The following GAN variants were observed in gnomAD, a reference collection of about 807,000 sequenced individuals.
GAN encodes the protein gigaxonin, also known as epididymis secretory sperm binding protein.
In GAN, 48 loss-of-function variants were observed where a neutral mutation model predicts 71.3. The observed-to-expected ratio is 0.67, with a 90% CI of 0.53 to 0.86. The LOEUF (loss-of-function observed/expected upper bound fraction) is 0.86, where lower values mean the gene tolerates loss of function less well. GAN is among the 40% of genes least tolerant of loss of function. GAN has a pLI of 0.00. For synonymous variants in GAN, 386 were observed against 276.8 expected (o/e 1.39, Z -3.92); for missense variants, 928 against 770.1 (o/e 1.21, Z -2.43).
chr16:81,332,404 C>T (rs991709207), intron 1 of GAN, among the ~76,000 whole-genome samples: 2 of 152,184 alleles, frequency 1.3e-5, no homozygotes, highest in African/African-American at 4.8e-5. Flanking sequence ...GTCCTTGACT[C>T]ATATTTAACT....
At chr16:81,361,904 C>T (rs374947411) in intron 5 of GAN, among the ~76,000 whole-genome samples, 3 of 152,128 alleles carry the variant, frequency 2.0e-5, no homozygotes, top group African/African-American at 7.2e-5. Flanking sequence ...TGTGTTGCCT[C>T]CTATGAACCT....
intron 3 of GAN, 25 bp downstream of exon 3, chr16:81,354,780 A>C (rs1458503291): frequency 7.3e-7 from 1 of 1,362,248 alleles, no homozygotes; most frequent in East Asian, 2.3e-5. Context: ...TAACATGGTC[A>C]AATTTGCCTT....
chr16:81,362,592 C>A lies in GAN; in HGVS notation c.1067C>A (p.Ala356Glu), dbSNP rs956021392. ...GATCCAGATGCAAATACATGGACAG[C>A]ATTGCCACCTATGAACGAGGTAAAA... ...KYDPDANTWT[A>E]LPPMNEARHN... The change falls in exon 6 of 11, where the codon GCA (alanine) becomes GAA (glutamate). Residue 356 changes from alanine (A) to glutamate (E), a missense_variant. Ala to Glu is a moderately radical substitution (Grantham distance 107, BLOSUM62 -1). Transcript: ENST00000648994. 1.3e-6 allele frequency: 2 copies of A among 1,559,070 alleles called. No homozygotes were observed. The highest frequency in any genetic ancestry group is 2.7e-5 in the African/African-American group (2 of 73,890).
chr16:81,362,815 C>T (rs1597405887), intron 6 of GAN, among the ~76,000 whole-genome samples: 1 of 152,162 alleles, frequency 6.6e-6, no homozygotes, highest in Non-Finnish European at 1.5e-5. Context: ...CTGAAATCTT[C>T]CAGGAATGCC....
At chr16:81,360,151 C>A (rs1293515438) in intron 5 of GAN, among the ~76,000 whole-genome samples, 1 of 152,062 alleles carries the variant, frequency 6.6e-6, no homozygotes. Context: ...TTAGATTTGC[C>A]ACTTTCTTCG....
At chr16:81,360,652 C>T (rs1214469682) in intron 5 of GAN, among the ~76,000 whole-genome samples, 2 of 151,708 alleles carry the variant, frequency 1.3e-5, no homozygotes, top group African/African-American at 4.8e-5. Flanking sequence ...TTCAAATCCT[C>T]TCTTATTTCT....
intron 1 of GAN, among the ~76,000 whole-genome samples, chr16:81,330,385 G>A (rs1031521744): frequency 3.3e-5 from 5 of 152,204 alleles, no homozygotes; most frequent in Non-Finnish European, 7.3e-5. Flanking sequence ...CTTTGTGCAG[G>A]GCACAGGAGC....
intron 1 of GAN, among the ~76,000 whole-genome samples, chr16:81,333,425 G>A (rs767591100): frequency 2.6e-5 from 4 of 152,006 alleles, no homozygotes; most frequent in Non-Finnish European, 4.4e-5. Flanking sequence ...TTTATTAGGT[G>A]GACTCTGAAA....
rs1597417271 is a variant in GAN at position 81,384,314 on chromosome 16, A to G, written c.*6718A>G. ...ATTTTACTACTTAAAAAAAAAAAAA[A>G]AAGAAAAGAAAAAAAAGCACTTACA... On this transcript the variant is annotated 3_prime_UTR_variant, in exon 11 of 11. Transcript: ENST00000648994. 1 of 151,512 alleles carries G rather than the reference A, an allele frequency of 6.6e-6. No individual in the cohort carries two copies. Among genetic ancestry groups the G allele is most frequent in the African/African-American group, 2.4e-5 (1 of 41,352 alleles). The allele number at this position is 151,512 out of a possible 1,614,324, so 9.4% of individuals were successfully genotyped here. A position where few individuals can be genotyped will look rare whatever the true frequency, so the allele number is the denominator to read the frequency against.
chr16:81,334,753 C>T (rs1435008543), intron 1 of GAN, among the ~76,000 whole-genome samples: 1 of 152,182 alleles, frequency 6.6e-6, no homozygotes, highest in Non-Finnish European at 1.5e-5. Flanking sequence ...CACAACCACT[C>T]AGCCGGTTCA....
rs531225431 is a variant in GAN, at chr16:81,348,297, T to C, written c.168-3286T>C. Among the ~76,000 whole-genome samples the C allele has an allele frequency of 6.3e-4, 96 of 152,386 alleles. No individual in the cohort carries two copies. In the South Asian group the frequency reaches 8.7e-3, roughly 14 times the overall value. Reference sequence around the variant, plus strand: ...TTTTTATGTCATCGTACTCTTGTTTTATGTACACAATATCCTGTCTTTTCC... The same window carrying C: ...TTTTTATGTCATCGTACTCTTGTTTCATGTACACAATATCCTGTCTTTTCC... On this transcript the variant is annotated intron_variant, in intron 1 of 10. Coordinates refer to ENST00000648994, the MANE Select transcript of GAN (RefSeq NM_022041.4).
intron 9 of GAN, among the ~76,000 whole-genome samples, chr16:81,376,844 T>C (rs1247308066): frequency 6.6e-6 from 1 of 152,074 alleles, no homozygotes. Flanking sequence ...GCCACTGCAC[T>C]CGGGAGGCCC....
chr16:81,362,961 A>G (rs1910728117), intron 6 of GAN, among the ~76,000 whole-genome samples: 2 of 152,280 alleles, frequency 1.3e-5, no homozygotes, highest in South Asian at 4.1e-4. Context: ...ACGTCTCACC[A>G]TCTCACGGAC....
intron 3 of GAN, among the ~76,000 whole-genome samples, chr16:81,354,977 T>G (rs957600404): frequency 6.6e-6 from 1 of 152,236 alleles, no homozygotes; most frequent in Non-Finnish European, 1.5e-5. Flanking sequence ...TTAGCCCTTG[T>G]AAGGAGCGTA....
At chr16:81,349,842 A>G (rs759486153) in intron 1 of GAN, among the ~76,000 whole-genome samples, 23 of 152,204 alleles carry the variant, frequency 1.5e-4, no homozygotes, top group Non-Finnish European at 3.2e-4. Flanking sequence ...TTCTTTTCTT[A>G]GAAAACATGG....
Position 81,315,054 on chromosome 16 carries a change from G to T in GAN, c.-60G>T. On this transcript the variant is annotated 5_prime_UTR_variant, in exon 1 of 11. Coordinates refer to ENST00000648994, the MANE Select transcript of GAN (RefSeq NM_022041.4). ...CGCGCGCGCAGGACTCGGGCCGCTC[G>T]AGGGGTCCGGCCGGACGGTGTCGGG... is the stretch of plus-strand genomic sequence containing the variant. 7.4e-7 allele frequency: 1 copy of T among 1,346,286 alleles called. No homozygotes were observed. The highest frequency in any genetic ancestry group is 9.7e-7 in the Non-Finnish European group (1 of 1,035,864). The allele number at this position is 1,346,286 out of a possible 1,614,324, so 83.4% of individuals were successfully genotyped here.
intron 1 of GAN, among the ~76,000 whole-genome samples, chr16:81,332,145 G>T (rs1471000495): frequency 1.4e-5 from 2 of 146,076 alleles, no homozygotes; most frequent in East Asian, 4.1e-4. Context: ...TGGGCAACGA[G>T]AGGGAAAATC....
At chr16:81,330,273 A>G (rs748002283) in intron 1 of GAN, among the ~76,000 whole-genome samples, 1 of 122,454 alleles carries the variant, frequency 8.2e-6, no homozygotes, top group Non-Finnish European at 2.0e-5. Flanking sequence ...TAAAACTCTA[A>G]TATCTCCAGA....
At chr16:81,345,932 C>G (rs1191806018) in intron 1 of GAN, among the ~76,000 whole-genome samples, 1 of 152,202 alleles carries the variant, frequency 6.6e-6, no homozygotes, top group South Asian at 2.1e-4. Context: ...AATCTGGATC[C>G]TTCACATGCC....
Sources: gnomAD v4.1 joint callset for allele counts (sites outside exome capture counted in the v4.1 genomes callset) on GRCh38, gnomAD v4.1.1 for gene constraint, MANE v1.5 for transcripts, NCBI Gene and HGNC (gene_info 2026-07-23, HGNC 2026-07-21) for gene names.